CHGB: variants seen among roughly 807,000 people sequenced by gnomAD.
CHGB encodes secretogranin-1.
Under a neutral mutation model 69.9 loss-of-function variants are expected in CHGB, and 46 were observed. The ratio of observed to expected loss-of-function variants is 0.66; its 90% CI spans 0.52 to 0.84. CHGB has a LOEUF of 0.84. Ranked by LOEUF, CHGB falls within the 40% of genes least tolerant of loss-of-function variation. The pLI is 0.00. For synonymous variants in CHGB, 312 were observed against 298.2 expected, an observed-to-expected ratio of 1.05 and a Z score of -0.48; for missense variants, 796 against 822.2, an observed-to-expected ratio of 0.97 and a Z score of 0.39.
In CHGB at chr20:5,916,919, A is replaced by G. The variant is rs2088479140; in HGVS notation, c.190A>G (p.Ser64Gly). 6.2e-7 allele frequency: 1 copy of G among 1,613,992 alleles called. No homozygotes were observed. Among genetic ancestry groups the G allele is most frequent in the South Asian group, 1.1e-5 (1 of 91,086 alleles). ...TGAGTGCCGCCAAGTCCTGAAGACG[A>G]GTAAGTGTCCCACACGGCAGGCAGA... ...TPECRQVLKT[S>G]RKDVKDKETT... Residue 64 changes from serine to glycine, a missense_variant and splice_region_variant, in exon 3 of 5, where the codon AGT becomes GGT. Transcript: ENST00000378961.
Position 5,922,447 on chromosome 20 carries a change from G to C in CHGB, c.303G>C (p.Arg101Ser). 6.2e-7 allele frequency: 1 copy of C among 1,613,562 alleles called. No individual in the cohort carries two copies. Among genetic ancestry groups the C allele is most frequent in the Non-Finnish European group, 8.5e-7 (1 of 1,179,472 alleles). ...DASEAHESSS[R>S]GEAGAPGEED... ...CGGAAGCCCACGAGTCCTCCAGCAG[G>C]GGAGAGGCAGGAGCCCCAGGGGAGG... Residue 101 changes from arginine to serine, a missense_variant, in exon 4 of 5, where the codon AGG (arginine) becomes AGC (serine). Arg to Ser is a moderately radical substitution (Grantham distance 110). Coordinates refer to ENST00000378961, the MANE Select transcript of CHGB (RefSeq NM_001819.3).
Position 5,916,359 on chromosome 20 carries a change from A to G in CHGB, c.83A>G (p.His28Arg). The G allele has an allele frequency of 6.2e-7, 1 of 1,613,338 alleles. No homozygotes were observed. The highest frequency in any genetic ancestry group is 1.3e-5 in the African/African-American group (1 of 75,020). ...TCCATGCCAGTGGATAACAGGAACC[A>G]CAATGAAGGAATGGTAAGTTGCAAT... Reference protein sequence around the residue: ...VNSMPVDNRNHNEGMVTRCII... With the variant: ...VNSMPVDNRNRNEGMVTRCII... The change falls in exon 2 of 5, where the codon CAC becomes CGC. Residue 28 changes from histidine (H) to arginine (R), a missense_variant. Physicochemically the swap from His to Arg is conservative, Grantham distance 29. This residue lies in a region of CHGB where 518 missense variants were observed against 506.3 expected (regional missense o/e 1.02). Coordinates refer to ENST00000378961, the MANE Select transcript of CHGB (RefSeq NM_001819.3).
Position 5,923,612 on chromosome 20 carries a change from C to T in CHGB, c.1468C>T (p.Gln490Ter). ...PGKWQQQGDLQDTKENREEAR... is the reference protein window; with the variant it reads ...PGKWQQQGDL Reference sequence around the variant, plus strand: ...GAAGTGGCAGCAGCAGGGAGACCTGCAGGACACTAAAGAAAACAGGGAGGA... The same window carrying T: ...GAAGTGGCAGCAGCAGGGAGACCTGTAGGACACTAAAGAAAACAGGGAGGA... Residue 490 changes from glutamine to a stop codon, truncating the protein, a stop_gained, in exon 4 of 5, where the codon CAG (glutamine) becomes TAG (stop). Coordinates refer to ENST00000378961, the MANE Select transcript of CHGB (RefSeq NM_001819.3). LOFTEE classifies it high-confidence loss of function. 1 of 1,614,064 alleles carries T rather than the reference C, an allele frequency of 6.2e-7. No homozygotes were observed. Among genetic ancestry groups the T allele is most frequent in the Non-Finnish European group, 8.5e-7 (1 of 1,180,024 alleles).
At chr20:5,920,408 A>G (rs1442153420) in intron 3 of CHGB, among the ~76,000 whole-genome samples, 1 of 152,090 alleles carries the variant, frequency 6.6e-6, no homozygotes, top group Non-Finnish European at 1.5e-5. Flanking sequence ...GGATGGCTTA[A>G]ACAACTAACA....
At position 5,916,340 on chromosome 20, in the gene CHGB, C is replaced by T; in HGVS notation, c.64C>T (p.Pro22Ser). ...CTCCTTCAAAGCTGTCAATTCCATG[C>T]CAGTGGATAACAGGAACCACAATGA... Reference protein sequence around the residue: ...AVGLAAVNSMPVDNRNHNEGM... With the variant: ...AVGLAAVNSMSVDNRNHNEGM... The change falls in exon 2 of 5, where the codon CCA (proline) becomes TCA (serine). Residue 22 changes from proline to serine, a missense_variant. By Grantham distance (74) the Pro-to-Ser change is moderately conservative. Around this residue, in one of 3 missense-constraint regions of CHGB, gnomAD observed 518 missense variants for 506.3 expected, o/e 1.02. Coordinates refer to ENST00000378961, the MANE Select transcript of CHGB (RefSeq NM_001819.3). 6.2e-7 allele frequency: 1 copy of T among 1,613,450 alleles called. No individual in the cohort carries two copies. Among genetic ancestry groups the T allele is most frequent in the East Asian group, 2.2e-5 (1 of 44,864 alleles).
At chr20:5,921,198 A>G (rs1600213558) in intron 3 of CHGB, among the ~76,000 whole-genome samples, 1 of 152,242 alleles carries the variant, frequency 6.6e-6, no homozygotes, top group South Asian at 2.1e-4. Context: ...TTATTTCAAC[A>G]TATAATGATA....
At position 5,916,825 on chromosome 20, in the gene CHGB, G is replaced by C; in HGVS notation, c.97-1G>C. ...CAACCTGCTTTCGGGTTTCCCCCCA[G>C]GTGACTCGCTGCATCATTGAGGTCC... On this transcript the variant is annotated splice_acceptor_variant, in intron 2 of 4. Coordinates refer to ENST00000378961, the MANE Select transcript of CHGB (RefSeq NM_001819.3). LOFTEE classifies it high-confidence loss of function. 6.2e-7 allele frequency: 1 copy of C among 1,614,124 alleles called. No homozygotes were observed. The highest frequency in any genetic ancestry group is 8.5e-7 in the Non-Finnish European group (1 of 1,179,992).
rs546462070 is a variant in CHGB, at chr20:5,911,556, T to C, written c.-78T>C. 63 of 1,451,404 alleles carry C rather than the reference T, an allele frequency of 4.3e-5. No individual in the cohort carries two copies. The African/African-American group carries it at 8.1e-4, about 19-fold the overall frequency. 89.9% of individuals were successfully genotyped at this position (1,451,404 alleles called of 1,614,324 possible). ...ACGCTGGTTTTCCGGGGCCGCTCCA[T>C]CGCGCCTTCCTCCTGCGCCTCGCTT... On this transcript the variant is annotated 5_prime_UTR_variant, in exon 1 of 5. Coordinates refer to ENST00000378961, the MANE Select transcript of CHGB (RefSeq NM_001819.3).
Position 5,923,348 on chromosome 20 carries a change from G to T in CHGB, c.1204G>T (p.Gly402Cys). 1.9e-6 allele frequency: 3 copies of T among 1,613,794 alleles called. No homozygotes were observed. Among genetic ancestry groups the T allele is most frequent in the Non-Finnish European group, 2.5e-6 (3 of 1,180,006 alleles). Residue 402 changes from glycine (G) to cysteine (C), a missense_variant, in exon 4 of 5, where the codon GGT becomes TGT. This residue lies in a region of CHGB where 518 missense variants were observed against 506.3 expected (regional missense o/e 1.02). Transcript: ENST00000378961. ...GCTTGATAAGATGGCACATGGATATGGTGAAGAAAGTGAGGAAGAGAGGGG... is the reference window on the plus strand; with the variant it reads ...GCTTGATAAGATGGCACATGGATATTGTGAAGAAAGTGAGGAAGAGAGGGG... ...LELDKMAHGY[G>C]EESEEERGLE...
At chr20:5,913,542 TTAATA>T (rs1191144907) in intron 1 of CHGB, among the ~76,000 whole-genome samples, 1 of 152,108 alleles carries the variant, frequency 6.6e-6, no homozygotes, top group Non-Finnish European at 1.5e-5. Context: ...ACTCTAAAAA[TTAATA>T]TAAGGGAAGT....
intron 1 of CHGB, 121 bp downstream of exon 1, chr20:5,911,803 C>T (rs1454808024): frequency 2.1e-6 from 2 of 954,800 alleles, no homozygotes; most frequent in Non-Finnish European, 2.9e-6. Context: ...GAAGGTTTAC[C>T]TCTTGCTTCG....
Position 5,916,806 on chromosome 20 carries a change from G to C in CHGB, c.97-20G>C. On this transcript the variant is annotated intron_variant, in intron 2 of 4. Coordinates refer to ENST00000378961, the MANE Select transcript of CHGB (RefSeq NM_001819.3). ...CCAGTGATACCAGCTTCTCCAACCT[G>C]CTTTCGGGTTTCCCCCCAGGTGACT... The C allele has an allele frequency of 6.2e-7, 1 of 1,613,414 alleles. No individual in the cohort carries two copies. Among genetic ancestry groups the C allele is most frequent in the Non-Finnish European group, 8.5e-7 (1 of 1,179,300 alleles).
Position 5,918,810 on chromosome 20 carries a change from TAAAAAAAAAAAAAAAAA to T in CHGB, c.190+1910_190+1926del, listed in dbSNP as rs71182109. On this transcript the variant is annotated intron_variant, in intron 3 of 4. Coordinates refer to ENST00000378961, the MANE Select transcript of CHGB (RefSeq NM_001819.3). ...CTCAGTGACAGAGCGAGTCTCTGTC[TAAAAAAAAAAAAAAAAA>T]AAAAAAAAAAAAAAAAAAGAGCAAC... Among the ~76,000 whole-genome samples, 251 of 31,480 alleles carry T rather than the reference TAAAAAAAAAAAAAAAAA, an allele frequency of 8.0e-3. 1 individual carries two copies. The highest frequency in any genetic ancestry group is 0.028 in the African/African-American group (234 of 8,392). The allele number at this position is 31,480 out of a possible 152,430, so 20.7% of individuals were successfully genotyped here.
chr20:5,914,319 C>T (rs1283793672), intron 1 of CHGB, among the ~76,000 whole-genome samples: 1 of 152,054 alleles, frequency 6.6e-6, no homozygotes, highest in Admixed American at 6.6e-5. Flanking sequence ...CAAAAGCAGA[C>T]CCTAGTTTTT....
chr20:5,915,858 C>T (rs2088472666), intron 1 of CHGB: 2 of 152,674 alleles, frequency 1.3e-5, no homozygotes, highest in South Asian at 2.1e-4. Context: ...AGGTAGCTGG[C>T]GCGTGCCACC....
intron 4 of CHGB, among the ~76,000 whole-genome samples, chr20:5,924,692 G>T (rs545751718): frequency 3.3e-5 from 5 of 152,252 alleles, no homozygotes; most frequent in Admixed American, 2.0e-4. Context: ...ATGTAGGTTG[G>T]TGCTTCTCAA....
intron 1 of CHGB, chr20:5,914,560 A>G (rs1212005301): frequency 6.6e-6 from 1 of 152,258 alleles, no homozygotes; most frequent in Non-Finnish European, 1.5e-5. Context: ...AAGAAGGCTT[A>G]GTAAAGCTGC....
At chr20:5,916,427 C>T in intron 2 of CHGB, 55 bp downstream of exon 2, 4 of 1,443,448 alleles carry the variant, frequency 2.8e-6, no homozygotes, top group Non-Finnish European at 3.9e-6. Flanking sequence ...TCTAGATTCT[C>T]CCAGTCCCTA....
chr20:5,911,559 C>A lies in CHGB; in HGVS notation c.-75C>A. 2 of 1,455,126 alleles carry A rather than the reference C, an allele frequency of 1.4e-6. No individual in the cohort carries two copies. The highest frequency in any genetic ancestry group is 1.8e-6 in the Non-Finnish European group (2 of 1,086,240). The allele number at this position is 1,455,126 out of a possible 1,614,324, so 90.1% of individuals were successfully genotyped here. The stretch of plus-strand genomic sequence containing the variant: ...CTGGTTTTCCGGGGCCGCTCCATCG[C>A]GCCTTCCTCCTGCGCCTCGCTTCTC... On this transcript the variant is annotated 5_prime_UTR_variant, in exon 1 of 5. Transcript: ENST00000378961.
Sources: gnomAD v4.1 joint callset for allele counts (sites outside exome capture counted in the v4.1 genomes callset) on GRCh38, gnomAD v4.1.1 for gene constraint, gnomAD v4.1.1 regional missense constraint, MANE v1.5 for transcripts, NCBI Gene and HGNC (gene_info 2026-07-23, HGNC 2026-07-21) for gene names.